The following CDH18 variants were observed in gnomAD, a reference collection of about 807,000 sequenced individuals.
The protein encoded by CDH18 is cadherin-18.
A neutral mutation model predicts 67.9 loss-of-function variants in CDH18; 31 were observed. The ratio of observed to expected loss-of-function variants is 0.46; its 90% CI spans 0.34 to 0.62. CDH18 has a LOEUF of 0.62. Among genes scored for constraint, CDH18 ranks in the 20% least tolerant of loss-of-function variants. The pLI, the probability that CDH18 is intolerant of heterozygous loss-of-function variation, is 0.01. For missense variants in CDH18, 890 were observed against 975.5 expected, an observed-to-expected ratio of 0.91 and a Z score of 1.17; for synonymous variants, 362 against 347.2, an observed-to-expected ratio of 1.04 and a Z score of -0.48.
intron 1 of CDH18, among the ~76,000 whole-genome samples, chr5:20,492,840 C>T (rs967574265): frequency 6.6e-6 from 1 of 152,062 alleles, no homozygotes; most frequent in African/African-American, 2.4e-5. Flanking sequence ...CACACACATG[C>T]CTTGATGAAT....
At chr5:19,794,953 G>A (rs1776707336) in intron 3 of CDH18, among the ~76,000 whole-genome samples, 1 of 152,072 alleles carries the variant, frequency 6.6e-6, no homozygotes, top group Admixed American at 6.6e-5. Flanking sequence ...TAGGTCTGGA[G>A]AAATAGGTCA....
chr5:20,513,580 A>G (rs984370572), intron 1 of CDH18, among the ~76,000 whole-genome samples: 1 of 152,186 alleles, frequency 6.6e-6, no homozygotes, highest in South Asian at 2.1e-4. Context: ...GATTTATGCT[A>G]CAAGTCTTAC....
chr5:20,162,955 A>T (rs571779664), intron 2 of CDH18, among the ~76,000 whole-genome samples: 9 of 151,994 alleles, frequency 5.9e-5, no homozygotes, highest in Non-Finnish European at 1.3e-4. Context: ...GCTACTTGGT[A>T]GGCTGGGGCC....
chr5:20,241,976 G>A (rs558068870), intron 2 of CDH18, among the ~76,000 whole-genome samples: 34 of 150,242 alleles, frequency 2.3e-4, no homozygotes, highest in Admixed American at 1.6e-3. Flanking sequence ...GGAAAAAATA[G>A]GCATAAAAAG....
chr5:20,209,119 G>A (rs1275203219), intron 2 of CDH18, among the ~76,000 whole-genome samples: 1 of 152,098 alleles, frequency 6.6e-6, no homozygotes, highest in Non-Finnish European at 1.5e-5. Flanking sequence ...TGGTGAGGCT[G>A]TGAAGAAAGG....
chr5:20,029,821 T>C (rs1012568975), intron 2 of CDH18, among the ~76,000 whole-genome samples: 2 of 152,194 alleles, frequency 1.3e-5, no homozygotes, highest in Non-Finnish European at 2.9e-5. Context: ...CAGTCCTATA[T>C]ATAAGAAGCA....
At chr5:20,406,099 C>T (rs570963197) in intron 1 of CDH18, among the ~76,000 whole-genome samples, 23 of 152,156 alleles carry the variant, frequency 1.5e-4, no homozygotes, top group African/African-American at 5.3e-4. Context: ...ACCCAAAGGA[C>T]TATAAATCAT....
At chr5:20,276,100 A>G (rs1745791464) in intron 1 of CDH18, among the ~76,000 whole-genome samples, 1 of 152,218 alleles carries the variant, frequency 6.6e-6, no homozygotes, top group South Asian at 2.1e-4. Context: ...CTTGAAAGGT[A>G]GTCTAGGCCA....
chr5:19,543,815 G>A, intron 9 of CDH18, 54 bp downstream of exon 9: 1 of 1,352,138 alleles, frequency 7.4e-7, no homozygotes, highest in Non-Finnish European at 1.0e-6. Flanking sequence ...GGAAATTTCA[G>A]TATGTCTTCT....
chr5:19,790,971 C>G (rs1002445298), intron 3 of CDH18, among the ~76,000 whole-genome samples: 2 of 151,940 alleles, frequency 1.3e-5, no homozygotes, highest in Admixed American at 6.6e-5. Flanking sequence ...TACTTGAACA[C>G]CTGCTGGATG....
chr5:19,720,733 G>A (rs896692651), intron 5 of CDH18, among the ~76,000 whole-genome samples: 4 of 152,066 alleles, frequency 2.6e-5, no homozygotes, highest in African/African-American at 9.7e-5. Flanking sequence ...AATAAAAGGA[G>A]AGCAGAATTT....
intron 2 of CDH18, among the ~76,000 whole-genome samples, chr5:20,246,342 A>T (rs1209459529): frequency 2.0e-5 from 3 of 152,174 alleles, no homozygotes; most frequent in African/African-American, 7.2e-5. Context: ...ACCAGTTACA[A>T]ACACAGCTGT....
chr5:20,184,289 A>G (rs1737924451), intron 2 of CDH18, among the ~76,000 whole-genome samples: 1 of 152,104 alleles, frequency 6.6e-6, no homozygotes, highest in Non-Finnish European at 1.5e-5. Context: ...CCTGTACCCA[A>G]ATCAGCAGCA....
chr5:19,652,813 A>G (rs1226427147), intron 5 of CDH18, among the ~76,000 whole-genome samples: 2 of 151,852 alleles, frequency 1.3e-5, no homozygotes, highest in Non-Finnish European at 2.9e-5. Context: ...AACGGCAAAC[A>G]GGGGGCAAAC....
intron 2 of CDH18, among the ~76,000 whole-genome samples, chr5:20,086,600 C>A (rs932246796): frequency 6.6e-6 from 1 of 152,106 alleles, no homozygotes; most frequent in Non-Finnish European, 1.5e-5. Context: ...AAAGCCATTG[C>A]TCATTTACCA....
intron 1 of CDH18, among the ~76,000 whole-genome samples, chr5:20,452,349 A>G (rs1005217242): frequency 3.9e-5 from 6 of 152,172 alleles, no homozygotes; most frequent in Admixed American, 3.9e-4. Context: ...GATGAGACTC[A>G]TAACAAAAGT....
chr5:20,168,326 C>A (rs978674879), intron 2 of CDH18, among the ~76,000 whole-genome samples: 1 of 151,938 alleles, frequency 6.6e-6, no homozygotes. Flanking sequence ...CAATGTATAG[C>A]GCACTTTAGT....
chr5:20,207,758 T>C lies in CDH18; in HGVS notation c.-518+47686A>G, dbSNP rs367789402. On this transcript the variant is annotated intron_variant, in intron 2 of 14. Transcript: ENST00000507958. ...GGGACACAGAGCCAAACCATATCAA[T>C]ACCTAAAGCAATTTACAGATTTAAT... 5.9e-4 allele frequency among the ~76,000 whole-genome samples: 89 copies of C among 151,974 alleles called. No individual in the cohort carries two copies. In the South Asian group the frequency reaches 0.016, roughly 28 times the overall value.
At chr5:19,815,244 A>T (rs1008370498) in intron 3 of CDH18, among the ~76,000 whole-genome samples, 3 of 152,006 alleles carry the variant, frequency 2.0e-5, no homozygotes, top group African/African-American at 7.2e-5. Context: ...ATTGTGTGCT[A>T]TAATTAATTT....
Sources: gnomAD v4.1 joint callset for allele counts (sites outside exome capture counted in the v4.1 genomes callset) on GRCh38, gnomAD v4.1.1 for gene constraint, MANE v1.5 for transcripts, NCBI Gene and HGNC (gene_info 2026-07-23, HGNC 2026-07-21) for gene names.